The following DSCAM variants were observed in gnomAD, a reference collection of about 807,000 sequenced individuals.
The protein encoded by DSCAM is DS cell adhesion molecule.
A neutral mutation model predicts 217.7 loss-of-function variants in DSCAM; 47 were observed. The observed-to-expected ratio is 0.22, with a 90% confidence interval of 0.17 to 0.28. The LOEUF is 0.28. Among genes scored for constraint, DSCAM ranks in the 10% least tolerant of loss-of-function variants. DSCAM has a pLI of 1.00. For missense variants in DSCAM, 2,080 were observed against 2,618.3 expected, an observed-to-expected ratio of 0.79 and a Z score of 4.49; for synonymous variants, 1,056 against 1,015.3, an observed-to-expected ratio of 1.04 and a Z score of -0.76.
intron 20 of DSCAM, among the ~76,000 whole-genome samples, chr21:40,103,604 C>A (rs977006318): frequency 2.0e-5 from 3 of 151,958 alleles, no homozygotes; most frequent in African/African-American, 7.2e-5. Flanking sequence ...GAGAGGCCAA[C>A]ATTGGTAGAA....
intron 1 of DSCAM, among the ~76,000 whole-genome samples, chr21:40,838,478 G>T (rs1467898103): frequency 6.6e-6 from 1 of 152,178 alleles, no homozygotes; most frequent in Non-Finnish European, 1.5e-5. Context: ...AGGTCATCAA[G>T]GTCAACACTG....
At chr21:40,059,102 A>G (rs2146512711) in intron 28 of DSCAM, among the ~76,000 whole-genome samples, 1 of 152,364 alleles carries the variant, frequency 6.6e-6, no homozygotes, top group South Asian at 2.1e-4. Flanking sequence ...AATATGACAC[A>G]GAACATTCCT....
intron 3 of DSCAM, among the ~76,000 whole-genome samples, chr21:40,573,780 A>T (rs2076827326): frequency 6.6e-6 from 1 of 152,154 alleles, no homozygotes; most frequent in Non-Finnish European, 1.5e-5. Context: ...AAAAGAATCT[A>T]TATCAGTAAT....
At chr21:40,283,628 T>C (rs2073790948) in intron 10 of DSCAM, among the ~76,000 whole-genome samples, 1 of 152,218 alleles carries the variant, frequency 6.6e-6, no homozygotes, top group Admixed American at 6.5e-5. Flanking sequence ...AGAGGGCACT[T>C]GGATAAGAGT....
At chr21:40,488,178 C>T (rs1353364607) in intron 3 of DSCAM, among the ~76,000 whole-genome samples, 1 of 152,194 alleles carries the variant, frequency 6.6e-6, no homozygotes, top group Non-Finnish European at 1.5e-5. Context: ...GTGTGTCGCC[C>T]TCTCTGTACT....
chr21:40,685,463 C>T (rs2090462951), intron 3 of DSCAM, among the ~76,000 whole-genome samples: 1 of 152,184 alleles, frequency 6.6e-6, no homozygotes, highest in South Asian at 2.1e-4. Context: ...CGTGACCTGC[C>T]CCCAAAGGAA....
At chr21:40,131,286 C>G (rs2090151842) in intron 19 of DSCAM, among the ~76,000 whole-genome samples, 1 of 152,144 alleles carries the variant, frequency 6.6e-6, no homozygotes, top group Admixed American at 6.5e-5. Context: ...GCTGAAATGC[C>G]TAATTATATT....
chr21:40,762,730 C>T (rs986744223), intron 1 of DSCAM, among the ~76,000 whole-genome samples: 9 of 152,104 alleles, frequency 5.9e-5, no homozygotes, highest in East Asian at 3.9e-4. Flanking sequence ...ACTGGCAAAC[C>T]GAATCCAGCA....
intron 32 of DSCAM, among the ~76,000 whole-genome samples, chr21:40,026,918 T>C (rs1027895129): frequency 1.0e-4 from 16 of 152,422 alleles, no homozygotes; most frequent in African/African-American, 3.8e-4. Context: ...ATCCTGTCAT[T>C]ATGATGTTAG....
intron 3 of DSCAM, among the ~76,000 whole-genome samples, chr21:40,447,267 C>T (rs535159229): frequency 6.6e-6 from 1 of 152,316 alleles, no homozygotes; most frequent in African/African-American, 2.4e-5. Flanking sequence ...TGCTGCATTA[C>T]CATCACAAAA....
chr21:40,710,372 T>G (rs2090766561), intron 1 of DSCAM, among the ~76,000 whole-genome samples: 1 of 152,252 alleles, frequency 6.6e-6, no homozygotes, highest in South Asian at 2.1e-4. Flanking sequence ...TACATTTCCC[T>G]TGTGGTCCAC....
chr21:40,427,611 A>G (rs1326021012), intron 3 of DSCAM, among the ~76,000 whole-genome samples: 2 of 152,192 alleles, frequency 1.3e-5, no homozygotes, highest in African/African-American at 4.8e-5. Context: ...ATTGCTACCC[A>G]CTTTGCAGCA....
chr21:40,525,982 C>T (rs1216382771), intron 3 of DSCAM, among the ~76,000 whole-genome samples: 2 of 151,742 alleles, frequency 1.3e-5, no homozygotes, highest in Admixed American at 1.3e-4. Flanking sequence ...CCAGGTGGGA[C>T]TGAACCCCAG....
chr21:40,430,459 G>T (rs2075519989), intron 3 of DSCAM, among the ~76,000 whole-genome samples: 1 of 152,182 alleles, frequency 6.6e-6, no homozygotes, highest in African/African-American at 2.4e-5. Context: ...TAGCCTCTCA[G>T]CTTACATCTT....
chr21:40,177,210 T>A (rs1015420333), intron 15 of DSCAM, among the ~76,000 whole-genome samples: 5 of 152,246 alleles, frequency 3.3e-5, no homozygotes, highest in Non-Finnish European at 5.9e-5. Context: ...ACAATTCTAT[T>A]TTTTGCAGAA....
intron 3 of DSCAM, among the ~76,000 whole-genome samples, chr21:40,489,413 C>T (rs1170283280): frequency 1.3e-5 from 2 of 152,152 alleles, no homozygotes; most frequent in Non-Finnish European, 2.9e-5. Flanking sequence ...CTTGGCCCAC[C>T]CTGCAGATTC....
intron 1 of DSCAM, among the ~76,000 whole-genome samples, chr21:40,842,443 C>G (rs2092110840): frequency 6.6e-6 from 1 of 152,200 alleles, no homozygotes; most frequent in South Asian, 2.1e-4. Flanking sequence ...TAATCTTACC[C>G]GTAGAATTCA....
chr21:40,572,284 T>G (rs2076814300), intron 3 of DSCAM, among the ~76,000 whole-genome samples: 1 of 152,196 alleles, frequency 6.6e-6, no homozygotes, highest in African/African-American at 2.4e-5. Flanking sequence ...TAGACTATGA[T>G]AGTTAAGTAT....
At chr21:40,789,226 C>T (rs191663950) in intron 1 of DSCAM, among the ~76,000 whole-genome samples, 67 of 147,384 alleles carry the variant, frequency 4.5e-4, no homozygotes, top group East Asian at 2.2e-3. Context: ...TTCAGGACGA[C>T]GAGGAAAGAT....
Sources: allele counts gnomAD v4.1 joint callset (sites outside exome capture counted in the v4.1 genomes callset), GRCh38; gene constraint gnomAD v4.1.1; transcripts MANE v1.5; gene names NCBI Gene and HGNC (gene_info 2026-07-23, HGNC 2026-07-21).